URI1: variants seen among roughly 807,000 people sequenced by gnomAD.
The protein encoded by URI1 is URI1 prefoldin like chaperone.
URI1 carries 39 observed loss-of-function variants against 60.2 expected under a neutral mutation model. That is an observed-to-expected ratio of 0.65 (90% confidence interval 0.50 to 0.85). URI1 has a LOEUF of 0.85. URI1 is among the 40% of genes least tolerant of loss of function. The probability of loss-of-function intolerance (pLI) is 0.00; values close to 1 mark genes in which losing one functional copy is unlikely to be tolerated. For missense variants in URI1, 691 were observed against 665.9 expected (o/e 1.04, Z -0.42); for synonymous variants, 251 against 236.8 (o/e 1.06, Z -0.55).
chr19:29,965,971 A>G (rs1473558383), intron 1 of URI1, among the ~76,000 whole-genome samples: 1 of 152,176 alleles, frequency 6.6e-6, no homozygotes, highest in Non-Finnish European at 1.5e-5. Context: ...GATTAAGGAG[A>G]CTTTTGATTC....
At chr19:29,950,642 T>C (rs1039800138) in intron 1 of URI1, among the ~76,000 whole-genome samples, 8 of 152,204 alleles carry the variant, frequency 5.3e-5, no homozygotes, top group South Asian at 4.1e-4. Context: ...GAAGCACTTA[T>C]CATTTTACAT....
chr19:29,953,048 A>G (rs1427243123), intron 1 of URI1, among the ~76,000 whole-genome samples: 1 of 152,052 alleles, frequency 6.6e-6, no homozygotes, highest in Non-Finnish European at 1.5e-5. Context: ...GTTTTGAGTT[A>G]ATTTCTGTAT....
At chr19:29,993,286 T>C (rs568924985) in intron 4 of URI1, among the ~76,000 whole-genome samples, 2 of 152,230 alleles carry the variant, frequency 1.3e-5, no homozygotes, top group East Asian at 1.9e-4. Flanking sequence ...GGGGAAGCAT[T>C]GGATGAGTGG....
At chr19:29,970,167 G>A (rs991938198) in intron 1 of URI1, among the ~76,000 whole-genome samples, 1 of 141,956 alleles carries the variant, frequency 7.0e-6, no homozygotes, top group East Asian at 2.0e-4. Flanking sequence ...GCTGGGACGG[G>A]ATGGTGAAAC....
rs1428706394 is a variant in URI1, at chr19:30,009,281, C to G, written c.963C>G (p.Asp321Glu). 1 of 1,613,906 alleles carries G rather than the reference C, an allele frequency of 6.2e-7. No individual in the cohort carries two copies. Among genetic ancestry groups the G allele is most frequent in the Non-Finnish European group, 8.5e-7 (1 of 1,180,002 alleles). ...TTGACGACGATGATGGTGATAACGACCATGAGGCTTTAGGGGTTGGAGATA... is the reference window on the plus strand; with the variant it reads ...TTGACGACGATGATGGTGATAACGAGCATGAGGCTTTAGGGGTTGGAGATA... ...DNIDDDDGDN[D>E]HEALGVGDNS... Residue 321 changes from aspartate to glutamate, a missense_variant, in exon 8 of 11, where the codon GAC (aspartate) becomes GAG (glutamate). Asp to Glu is a conservative substitution (Grantham distance 45). Coordinates refer to ENST00000392271, the MANE Select transcript of URI1 (RefSeq NM_003796.3).
intron 2 of URI1, among the ~76,000 whole-genome samples, chr19:29,977,162 C>T (rs1218592646): frequency 6.6e-6 from 1 of 151,034 alleles, no homozygotes; most frequent in Non-Finnish European, 1.5e-5. Context: ...GTTGGAGCTA[C>T]TCTTTCCTAT....
At chr19:29,931,804 T>C (rs1234119707) in intron 1 of URI1, among the ~76,000 whole-genome samples, 3 of 152,142 alleles carry the variant, frequency 2.0e-5, no homozygotes, top group African/African-American at 7.2e-5. Flanking sequence ...TCTTTTCAGA[T>C]TGTTGTTTCC....
intron 1 of URI1, among the ~76,000 whole-genome samples, chr19:29,928,479 T>C (rs2054889629): frequency 6.6e-6 from 1 of 152,132 alleles, no homozygotes; most frequent in African/African-American, 2.4e-5. Context: ...CTCTCTTTTG[T>C]CTCCGCCCAC....
chr19:30,004,857 G>C (rs1172988187), intron 4 of URI1, among the ~76,000 whole-genome samples: 2 of 151,958 alleles, frequency 1.3e-5, no homozygotes, highest in African/African-American at 4.8e-5. Flanking sequence ...GTGTTGTGTT[G>C]TTATGCAGTT....
chr19:29,984,081 T>C (rs1489112799), intron 2 of URI1, among the ~76,000 whole-genome samples: 1 of 152,228 alleles, frequency 6.6e-6, no homozygotes, highest in East Asian at 1.9e-4. Context: ...AATTTCATGT[T>C]CATGATTTCA....
At chr19:29,985,350 T>A (rs757715049) in intron 3 of URI1, 49 bp downstream of exon 3, 1 of 1,478,800 alleles carries the variant, frequency 6.8e-7, no homozygotes, top group African/African-American at 1.4e-5. Context: ...CTTGTAAACA[T>A]ATTAACTATG....
Position 30,005,341 on chromosome 19 carries a change from G to C in URI1, c.368-20G>C, listed in dbSNP as rs781170255. Reference sequence around the variant, plus strand: ...GTATATATGCCATGCTTTACATAATGGTTGTGTTCATTGTTTCAGATGTAA... The same window carrying C: ...GTATATATGCCATGCTTTACATAATCGTTGTGTTCATTGTTTCAGATGTAA... On this transcript the variant is annotated intron_variant, in intron 4 of 10. Transcript: ENST00000392271. 3.6e-6 allele frequency: 5 copies of C among 1,403,948 alleles called. No individual in the cohort carries two copies. In the African/African-American group the frequency reaches 5.8e-5, roughly 16 times the overall value. 87.0% of individuals were successfully genotyped at this position (1,403,948 alleles called of 1,614,324 possible).
rs559752304 is a variant in URI1 at position 29,949,907 on chromosome 19, A to G, written c.117+7243A>G. On this transcript the variant is annotated intron_variant, in intron 1 of 10. Coordinates refer to ENST00000392271, the MANE Select transcript of URI1 (RefSeq NM_003796.3). ...CATCAGAGGGAGACCATGGAGACAG[A>G]GGGAGAGGGAGACTGTGGGGAGACG... Among the ~76,000 whole-genome samples, 191 of 144,184 alleles carry G rather than the reference A, an allele frequency of 1.3e-3. 1 individual carries two copies. Among genetic ancestry groups the G allele is most frequent in the Admixed American group, 0.012 (171 of 14,644 alleles). The allele number at this position is 144,184 out of a possible 152,430, so 94.6% of individuals were successfully genotyped here.
At chr19:29,943,443 CCCT>C (rs2055058741) in intron 1 of URI1, among the ~76,000 whole-genome samples, 1 of 152,088 alleles carries the variant, frequency 6.6e-6, no homozygotes, top group South Asian at 2.1e-4. Context: ...TGATTCTGTC[CCCT>C]CAAGTGTCTT....
chr19:29,962,224 T>C (rs144598319), intron 1 of URI1, among the ~76,000 whole-genome samples: 1 of 152,154 alleles, frequency 6.6e-6, no homozygotes, highest in East Asian at 1.9e-4. Flanking sequence ...TTCCCCATTA[T>C]AGTTCTAATT....
intron 1 of URI1, among the ~76,000 whole-genome samples, chr19:29,963,831 G>C (rs768640433): frequency 6.6e-6 from 1 of 152,110 alleles, no homozygotes; most frequent in Non-Finnish European, 1.5e-5. Flanking sequence ...TGCTGCTTCT[G>C]GTTTCTTCAG....
intron 1 of URI1, chr19:29,956,980 G>A (rs1214830951): frequency 7.1e-6 from 6 of 847,662 alleles, no homozygotes; most frequent in Non-Finnish European, 1.2e-5. Context: ...TGCTGAGAAT[G>A]GTCTTCATTC....
At position 29,942,244 on chromosome 19, in the gene URI1, G is replaced by A; in HGVS notation, c.-304G>A. The A allele has an allele frequency of 1.2e-5, 12 of 984,736 alleles. No homozygotes were observed. Among genetic ancestry groups the A allele is most frequent in the Non-Finnish European group, 1.4e-5 (12 of 829,682 alleles). 61.0% of individuals were successfully genotyped at this position (984,736 alleles called of 1,614,324 possible). On this transcript the variant is annotated 5_prime_UTR_variant, in exon 1 of 11. Coordinates refer to ENST00000392271, the MANE Select transcript of URI1 (RefSeq NM_003796.3). ...CGTGCCGCGAGAGGCGGGGCGTGTG[G>A]GGAGGCGCGGCCGCCACGCGACGCC...
intron 1 of URI1, among the ~76,000 whole-genome samples, chr19:29,962,825 T>C (rs1473906045): frequency 1.3e-5 from 2 of 152,244 alleles, no homozygotes; most frequent in African/African-American, 4.8e-5. Flanking sequence ...GAATTCTGTT[T>C]CTGTTGAAAA....
Sources: gnomAD v4.1 joint callset for allele counts (sites outside exome capture counted in the v4.1 genomes callset) on GRCh38, gnomAD v4.1.1 for gene constraint, MANE v1.5 for transcripts, NCBI Gene and HGNC (gene_info 2026-07-23, HGNC 2026-07-21) for gene names.